The following CLDN16 variants were observed in gnomAD, a reference collection of about 807,000 sequenced individuals.
The protein encoded by CLDN16 is claudin-16.
CLDN16 carries 13 observed loss-of-function variants against 24.6 expected under a neutral mutation model. That is an observed-to-expected ratio of 0.53 (90% CI 0.34 to 0.84). The LOEUF (loss-of-function observed/expected upper bound fraction) is 0.84, where lower values mean the gene tolerates loss of function less well. Ranked by LOEUF, CLDN16 falls within the 40% of genes least tolerant of loss-of-function variation. The pLI is 0.01. For missense variants in CLDN16, 298 were observed against 292.7 expected (o/e 1.02, Z -0.13); for synonymous variants, 116 against 106.7 (o/e 1.09, Z -0.54).
chr3:190,316,019 G>A, the CLDN16 span, among the ~76,000 whole-genome samples: 98,465 of 152,082 alleles, frequency 0.65, 33,515 homozygotes, highest in East Asian at 0.93. Context: ...CATTTGATTC[G>A]TGTCAAATCT....
At chr3:190,314,236 T>C in the CLDN16 span, among the ~76,000 whole-genome samples, 1 of 152,202 alleles carries the variant, frequency 6.6e-6, no homozygotes, top group Non-Finnish European at 1.5e-5. Context: ...TCTCAATATC[T>C]AATCAGGCCT....
In CLDN16 at chr3:190,388,362, C is replaced by T. The variant is rs1362947273; in HGVS notation, c.33C>T (p.Phe11=). MRDLLQYIAC[F]FAFFSAGFLI... is the part of the protein sequence containing the mutation. ...ATCTTCTTCAATACATCGCTTGCTTCTTTGCCTTTTTCTCTGCTGGGTTTT... is the reference window on the plus strand; with the variant it reads ...ATCTTCTTCAATACATCGCTTGCTTTTTTGCCTTTTTCTCTGCTGGGTTTT... Residue 11 remains phenylalanine (F), a synonymous_variant, in exon 1 of 5, where the codon TTC becomes TTT. Coordinates refer to ENST00000264734, the MANE Select transcript of CLDN16 (RefSeq NM_006580.4). 6.2e-7 allele frequency: 1 copy of T among 1,614,088 alleles called. No homozygotes were observed. Among genetic ancestry groups the T allele is most frequent in the East Asian group, 2.2e-5 (1 of 44,868 alleles).
intron 1 of CLDN16, among the ~76,000 whole-genome samples, chr3:190,330,295 A>G (rs1175572052): frequency 1.3e-5 from 2 of 152,114 alleles, no homozygotes; most frequent in African/African-American, 4.8e-5. Context: ...AAAATACTCA[A>G]TTATGCTGTT....
intron 1 of CLDN16, among the ~76,000 whole-genome samples, chr3:190,325,581 A>G (rs1027026691): frequency 6.6e-6 from 1 of 152,222 alleles, no homozygotes; most frequent in African/African-American, 2.4e-5. Context: ...CTTAGCCATG[A>G]TCTTGAGAAC....
At chr3:190,400,298 G>C (rs2108668107) in intron 1 of CLDN16, among the ~76,000 whole-genome samples, 1 of 152,142 alleles carries the variant, frequency 6.6e-6, no homozygotes, top group South Asian at 2.1e-4. Context: ...CAGTGCAGTG[G>C]CGCGATCTCG....
intron 1 of CLDN16, among the ~76,000 whole-genome samples, chr3:190,328,017 C>T (rs1262043583): frequency 1.3e-5 from 2 of 151,892 alleles, no homozygotes; most frequent in Admixed American, 6.6e-5. Context: ...TGTGGTGGCT[C>T]ATCCCTATAA....
At chr3:190,388,853 T>A (rs757210552) in intron 1 of CLDN16, among the ~76,000 whole-genome samples, 11 of 152,138 alleles carry the variant, frequency 7.2e-5, no homozygotes, top group African/African-American at 9.7e-5. Context: ...TGTGATAGAC[T>A]TTTTTTAAGG....
chr3:190,311,378 AG>A, the CLDN16 span, among the ~76,000 whole-genome samples: 1 of 152,204 alleles, frequency 6.6e-6, no homozygotes, highest in Admixed American at 6.5e-5. Flanking sequence ...ATGCCTTTTC[AG>A]AGAGGAGTCA....
At chr3:190,363,554 G>GTATATATATATATATATA (rs1553805321) in intron 1 of CLDN16, among the ~76,000 whole-genome samples, 5 of 81,342 alleles carry the variant, frequency 6.1e-5, no homozygotes, top group Non-Finnish European at 6.9e-5. Context: ...GTGTGTGTGT[G>GTATATATATATATATATA]TGTATATATA....
At chr3:190,382,754 G>T (rs938969188) in intron 3 of CLDN16, among the ~76,000 whole-genome samples, 40 of 152,200 alleles carry the variant, frequency 2.6e-4, no homozygotes, top group African/African-American at 9.4e-4. Flanking sequence ...CCACTGTCAC[G>T]TTTGCTCTGT....
At chr3:190,350,168 G>A (rs1717640252) in intron 1 of CLDN16, among the ~76,000 whole-genome samples, 1 of 147,728 alleles carries the variant, frequency 6.8e-6, no homozygotes. Context: ...TAAGAATCCA[G>A]TAGAATCCAG....
intron 1 of CLDN16, among the ~76,000 whole-genome samples, chr3:190,392,301 T>C (rs1027556214): frequency 3.3e-5 from 5 of 151,922 alleles, no homozygotes; most frequent in Non-Finnish European, 5.9e-5. Flanking sequence ...TCTCTTTTCC[T>C]CCCTTTTCTT....
chr3:190,341,998 C>T (rs925174123), intron 1 of CLDN16, among the ~76,000 whole-genome samples: 4 of 152,190 alleles, frequency 2.6e-5, no homozygotes, highest in African/African-American at 9.7e-5. Context: ...ACCACCTGAG[C>T]CTGGACTTTA....
At chr3:190,343,290 C>A (rs115546745) in intron 1 of CLDN16, among the ~76,000 whole-genome samples, 5,955 of 151,784 alleles carry the variant, frequency 0.039, 390 homozygotes, top group African/African-American at 0.13. Context: ...TAGCTGGTAT[C>A]AAAAAGACAA....
intron 1 of CLDN16, among the ~76,000 whole-genome samples, chr3:190,350,680 A>G (rs74567551): frequency 0.029 from 4,481 of 152,220 alleles, 110 homozygotes; most frequent in East Asian, 0.083. Context: ...GACTGGGCTC[A>G]GGCTACTGGC....
intron 1 of CLDN16, among the ~76,000 whole-genome samples, chr3:190,361,273 CAGTT>C (rs373091014): frequency 6.1e-4 from 93 of 152,088 alleles, no homozygotes; most frequent in African/African-American, 2.1e-3. Context: ...TGCATTATCT[CAGTT>C]AGTCCTTAGT....
intron 1 of CLDN16, among the ~76,000 whole-genome samples, chr3:190,325,943 T>G (rs1385824765): frequency 6.6e-6 from 1 of 152,186 alleles, no homozygotes; most frequent in African/African-American, 2.4e-5. Flanking sequence ...TTCAGGTTAC[T>G]AAAACTGCAT....
At chr3:190,376,711 G>A (rs1280932497) in intron 3 of CLDN16, among the ~76,000 whole-genome samples, 1 of 151,864 alleles carries the variant, frequency 6.6e-6, no homozygotes, top group East Asian at 1.9e-4. Context: ...GAAATGTAAG[G>A]CATTTCTCTG....
chr3:190,350,831 G>T (rs1220143743), intron 1 of CLDN16, among the ~76,000 whole-genome samples: 1 of 152,130 alleles, frequency 6.6e-6, no homozygotes, highest in African/African-American at 2.4e-5. Flanking sequence ...TGGCTCAAGG[G>T]TTCACTATGA....
Sources: allele counts gnomAD v4.1 joint callset (sites outside exome capture counted in the v4.1 genomes callset), GRCh38; gene constraint gnomAD v4.1.1; transcripts MANE v1.5; gene names NCBI Gene and HGNC (gene_info 2026-07-23, HGNC 2026-07-21).